AHNAK2: variants seen among roughly 807,000 people sequenced by gnomAD.
AHNAK2 encodes protein AHNAK2.
Under a neutral mutation model 30.7 loss-of-function variants are expected in AHNAK2, and 18 were observed. That is an observed-to-expected ratio of 0.59 (90% CI 0.41 to 0.87). The LOEUF is 0.87. Among genes scored for constraint, AHNAK2 ranks in the 40% least tolerant of loss-of-function variants. The pLI is 0.00. For synonymous variants in AHNAK2, 3,590 were observed against 3,073.8 expected (o/e 1.17, Z -5.56); for missense variants, 8,604 against 7,373.0 (o/e 1.17, Z -6.11).
In AHNAK2 at chr14:104,941,771, G is replaced by A. The variant is rs1342663866; in HGVS notation, c.13680C>T (p.Asp4560=). Residue 4560 remains aspartate (D), a synonymous_variant, in exon 7 of 7, where the codon GAC becomes GAT. Transcript: ENST00000333244. ...TGACGTCCACCTGGGGGCCCTTGAG[G>A]TCCACTTTGGGCATCTTGAAACTGG... ...EMPSFKMPKV[D]LKGPQVDVKG... The A allele has an allele frequency of 6.8e-6, 11 of 1,613,730 alleles. No homozygotes were observed. The highest frequency in any genetic ancestry group is 8.5e-6 in the Non-Finnish European group (10 of 1,179,846).
Position 104,939,244 on chromosome 14 carries a change from C to A in AHNAK2, c.16207G>T (p.Asp5403Tyr), listed in dbSNP as rs1451965828. 2 of 1,613,882 alleles carry A rather than the reference C, an allele frequency of 1.2e-6. No individual in the cohort carries two copies. The highest frequency in any genetic ancestry group is 3.3e-5 in the Admixed American group (2 of 60,012). ...RFSFPAPSSE[D>Y]DVFIPTVREV... ...CTCACAGTGGGGATGAACACATCAT[C>A]CTCTGAGCTGGGGGCAGGGAAGGAG... Residue 5403 changes from aspartate to tyrosine, a missense_variant, in exon 7 of 7, where the codon GAT becomes TAT. Asp to Tyr is a radical substitution (Grantham distance 160). Coordinates refer to ENST00000333244, the MANE Select transcript of AHNAK2 (RefSeq NM_138420.4).
rs774545861 is a variant in AHNAK2 at position 104,940,685 on chromosome 14, T to G, written c.14766A>C (p.Pro4922=). 2 of 1,613,282 alleles carry G rather than the reference T, an allele frequency of 1.2e-6. No homozygotes were observed. The highest frequency in any genetic ancestry group is 2.7e-5 in the African/African-American group (2 of 75,028). ...PSPGTCVSQG[P]EELVASLQTS... ...TCTGCAAGGAGGCCACAAGCTCTTC[T>G]GGGCCCTGAGACACACAGGTGCCTG... is the stretch of plus-strand genomic sequence containing the variant. The change falls in exon 7 of 7, where the codon CCA becomes CCC. Residue 4922 remains proline (P), a synonymous_variant. Transcript: ENST00000333244. This position sits in a 1 kb window ranked among gnomAD's most constrained non-coding sequence, Gnocchi z 4.4.
In AHNAK2 at chr14:104,943,812, G is replaced by T; in HGVS notation, c.11639C>A (p.Ala3880Asp). The T allele has an allele frequency of 6.2e-7, 1 of 1,613,264 alleles. No homozygotes were observed. Among genetic ancestry groups the T allele is most frequent in the South Asian group, 1.1e-5 (1 of 91,054 alleles). Residue 3880 changes from alanine (A) to aspartate (D), a missense_variant, in exon 7 of 7, where the codon GCC becomes GAC. Physicochemically the swap from Ala to Asp is moderately radical, Grantham distance 126 (BLOSUM62 -2). Coordinates refer to ENST00000333244, the MANE Select transcript of AHNAK2 (RefSeq NM_138420.4). Reference protein sequence around the residue: ...KLLEGHVPEEAGLKGHLPKVQ... With the variant: ...KLLEGHVPEEDGLKGHLPKVQ... ...CTTGGGCAGGTGTCCTTTGAGGCCG[G>T]CTTCCTCGGGCACGTGGCCCTCCAG...
chr14:104,952,641 T>C lies in AHNAK2; in HGVS notation c.2810A>G (p.Asp937Gly), dbSNP rs1343471194. The stretch of plus-strand genomic sequence containing the variant: ...CAGGTCCAGCTTGGGGCCCTTAACA[T>C]CTATCTGGGGGCCCTTGAGGTCCAC... ...PKVDLKGPQI[D>G]VKGPKLDLKG... is the part of the protein sequence containing the mutation. Residue 937 changes from aspartate (D) to glycine (G), a missense_variant, in exon 7 of 7, where the codon GAT becomes GGT. Transcript: ENST00000333244. The C allele has an allele frequency of 6.2e-7, 1 of 1,611,364 alleles. No homozygotes were observed. Among genetic ancestry groups the C allele is most frequent in the African/African-American group, 1.4e-5 (1 of 73,958 alleles).
Position 104,939,016 on chromosome 14 carries a change from T to C in AHNAK2, c.16435A>G (p.Ile5479Val). The change falls in exon 7 of 7, where the codon ATA becomes GTA. Residue 5479 changes from isoleucine to valine, a missense_variant. Physicochemically the swap from Ile to Val is conservative, Grantham distance 29 (BLOSUM62 3). Transcript: ENST00000333244. ...GAQVESQEVTIHSIVTPEFVD... is the reference protein window; with the variant it reads ...GAQVESQEVTVHSIVTPEFVD... ...AACTCTGGTGTCACTATGCTGTGTA[T>C]AGTGACCTCTTGACTTTCAACCTGA... 1 of 1,610,244 alleles carries C rather than the reference T, an allele frequency of 6.2e-7. No individual in the cohort carries two copies.
rs1898283186 is a variant in AHNAK2 at position 104,946,578 on chromosome 14, G to GCA, written c.8871_8872dup (p.Ala2958ValfsTer15). ...CAGGGACAGGTCACCCTCCAGCCGT[G>GCA]CACCATCCAGCTTTGCTCTCGGGGC... On this transcript the variant is annotated frameshift_variant, in exon 7 of 7. Coordinates refer to ENST00000333244, the MANE Select transcript of AHNAK2 (RefSeq NM_138420.4). LOFTEE classifies it low-confidence loss of function (END_TRUNC). 5.6e-6 allele frequency: 9 copies of GCA among 1,612,820 alleles called. No homozygotes were observed. The highest frequency in any genetic ancestry group is 1.7e-5 in the Admixed American group (1 of 59,932).
rs767446530 is a variant in AHNAK2 at position 104,940,920 on chromosome 14, C to T, written c.14531G>A (p.Ser4844Asn). Reference protein sequence around the residue: ...PEGVPTSQAESHSGPLNSMIP... With the variant: ...PEGVPTSQAENHSGPLNSMIP... ...CATGGAATTCAGTGGGCCAGAGTGA[C>T]TCTCAGCTTGAGATGTTGGAACTCC... Residue 4844 changes from serine to asparagine, a missense_variant, in exon 7 of 7, where the codon AGT (serine) becomes AAT (asparagine). Ser to Asn is a conservative substitution (Grantham distance 46). Transcript: ENST00000333244. This position sits in a 1 kb window ranked among gnomAD's most constrained non-coding sequence, Gnocchi z 4.4. 1 of 1,612,674 alleles carries T rather than the reference C, an allele frequency of 6.2e-7. No homozygotes were observed. Among genetic ancestry groups the T allele is most frequent in the South Asian group, 1.1e-5 (1 of 90,974 alleles).
rs142241633 is a variant in AHNAK2, at chr14:104,952,184, G to C, written c.3267C>G (p.Phe1089Leu). Reference protein sequence around the residue: ...GHLPKVEMPSFKMPKVALKGP... With the variant: ...GHLPKVEMPSLKMPKVALKGP... ...CCTTGAGGGCCACTTTGGGCATCTTGAAACTGGGCATCTCCACCTTGGGCA... is the reference window on the plus strand; with the variant it reads ...CCTTGAGGGCCACTTTGGGCATCTTCAAACTGGGCATCTCCACCTTGGGCA... The change falls in exon 7 of 7, where the codon TTC becomes TTG. Residue 1089 changes from phenylalanine to leucine, a missense_variant. Coordinates refer to ENST00000333244, the MANE Select transcript of AHNAK2 (RefSeq NM_138420.4). 12,528 of 1,578,434 alleles carry C rather than the reference G, an allele frequency of 7.9e-3. 11 individuals are homozygous for C. In the East Asian group the frequency reaches 0.13, roughly 16 times the overall value.
chr14:104,941,358 T>C lies in AHNAK2; in HGVS notation c.14093A>G (p.Lys4698Arg). 1 of 1,613,468 alleles carries C rather than the reference T, an allele frequency of 6.2e-7. No homozygotes were observed. The highest frequency in any genetic ancestry group is 8.5e-7 in the Non-Finnish European group (1 of 1,179,888). The change falls in exon 7 of 7, where the codon AAG becomes AGG. Residue 4698 changes from lysine to arginine, a missense_variant. Transcript: ENST00000333244. ...LAVGEVGMDS[K>R]FKKLHFKVPK... ...CACTTTAAAATGCAGTTTCTTAAAC[T>C]TCGAATCCATTCCAACTTCTCCAAC...
chr14:104,971,678 T>G (rs1460195872), intron 1 of AHNAK2, among the ~76,000 whole-genome samples: 1 of 152,216 alleles, frequency 6.6e-6, no homozygotes, highest in African/African-American at 2.4e-5. Flanking sequence ...GCCCACCTCC[T>G]GGTCACCTCA....
chr14:104,961,021 C>T (rs778303945), intron 1 of AHNAK2, among the ~76,000 whole-genome samples: 4 of 151,834 alleles, frequency 2.6e-5, no homozygotes, highest in Non-Finnish European at 5.9e-5. Flanking sequence ...ATCCCAGCTA[C>T]TCAAGAAGCA....
At chr14:104,965,521 C>T (rs1277960299) in intron 1 of AHNAK2, among the ~76,000 whole-genome samples, 2 of 152,012 alleles carry the variant, frequency 1.3e-5, no homozygotes, top group Non-Finnish European at 2.9e-5. Context: ...CTAAATATTC[C>T]AAGAAGAAAC....
Position 104,944,459 on chromosome 14 carries a change from A to T in AHNAK2, c.10992T>A (p.Ser3664=). The T allele has an allele frequency of 6.2e-7, 1 of 1,612,880 alleles. No homozygotes were observed. Among genetic ancestry groups the T allele is most frequent in the Non-Finnish European group, 8.5e-7 (1 of 1,179,514 alleles). ...GKSMEASVDV[S]APKVEADVSL... Reference sequence around the variant, plus strand: ...TCACATCGGCTTCCACCTTGGGTGCAGACACATCCACCGAGGCCTCCATGG... The same window carrying T: ...TCACATCGGCTTCCACCTTGGGTGCTGACACATCCACCGAGGCCTCCATGG... Residue 3664 remains serine (S), a synonymous_variant, in exon 7 of 7, where the codon TCT becomes TCA. Coordinates refer to ENST00000333244, the MANE Select transcript of AHNAK2 (RefSeq NM_138420.4).
rs140208061 is a variant in AHNAK2 at position 104,952,357 on chromosome 14, G to C, written c.3094C>G (p.Leu1032Val). ...TCCCCCTGCATGGAGGGGAGACTCAGGTCGGCCTCCACCTTGGGTGCAGAC... is the reference window on the plus strand; with the variant it reads ...TCCCCCTGCATGGAGGGGAGACTCACGTCGGCCTCCACCTTGGGTGCAGAC... ...DVSAPKVEAD[L>V]SLPSMQGDLK... The change falls in exon 7 of 7, where the codon CTG becomes GTG. Residue 1032 changes from leucine (L) to valine (V), a missense_variant. Physicochemically the swap from Leu to Val is conservative, Grantham distance 32. Coordinates refer to ENST00000333244, the MANE Select transcript of AHNAK2 (RefSeq NM_138420.4). The C allele has an allele frequency of 5.8e-4, 918 of 1,595,034 alleles. 2 individuals are homozygous for C. Among genetic ancestry groups the C allele is most frequent in the Admixed American group, 1.6e-3 (95 of 58,586 alleles).
At position 104,954,286 on chromosome 14, in the gene AHNAK2, G is replaced by T. The variant is rs1396535217; in HGVS notation, c.1165C>A (p.Pro389Thr). 3 of 1,613,420 alleles carry T rather than the reference G, an allele frequency of 1.9e-6. No homozygotes were observed. The highest frequency in any genetic ancestry group is 1.7e-6 in the Non-Finnish European group (2 of 1,179,874). Residue 389 changes from proline (P) to threonine (T), a missense_variant, in exon 7 of 7, where the codon CCT becomes ACT. Coordinates refer to ENST00000333244, the MANE Select transcript of AHNAK2 (RefSeq NM_138420.4). The surrounding 1 kb of genome is among the most constrained non-coding windows in gnomAD (Gnocchi z 4.3). Reference sequence around the variant, plus strand: ...GTGGGCAATGGCATGCTCTGAGCAGGCATCACTTCTCGATCCTGTTCTGCC... The same window carrying T: ...GTGGGCAATGGCATGCTCTGAGCAGTCATCACTTCTCGATCCTGTTCTGCC... ...ERAEQDREVM[P>T]AQSMPLPTEL...
In AHNAK2 at chr14:104,948,372, TC is replaced by T; in HGVS notation, c.7078del (p.Asp2360ThrfsTer25). 6.2e-7 allele frequency: 1 copy of T among 1,611,980 alleles called. No individual in the cohort carries two copies. The highest frequency in any genetic ancestry group is 8.5e-7 in the Non-Finnish European group (1 of 1,179,336). On this transcript the variant is annotated frameshift_variant, in exon 7 of 7. Coordinates refer to ENST00000333244, the MANE Select transcript of AHNAK2 (RefSeq NM_138420.4). LOFTEE classifies it low-confidence loss of function (END_TRUNC). ...ADVSLPSMQG[D>X]LKTTDLSVQP... ...AACGCTGAGGTCAGTGGTCTTGAGG[TC>T]CCCCTGCATGGAGGGGAGGCTCACG...
In AHNAK2 at chr14:104,945,487, C is replaced by A. The variant is rs758937478; in HGVS notation, c.9964G>T (p.Ala3322Ser). Reference sequence around the variant, plus strand: ...GAGGCCTGGATGGACTTGCCTGGGGCAGACGCCCTGTACGACGGCATCTTG... The same window carrying A: ...GAGGCCTGGATGGACTTGCCTGGGGAAGACGCCCTGTACGACGGCATCTTG... Reference protein sequence around the residue: ...KFKMPSYRASAPGKSIQASVD... With the variant: ...KFKMPSYRASSPGKSIQASVD... Residue 3322 changes from alanine (A) to serine (S), a missense_variant, in exon 7 of 7, where the codon GCC becomes TCC. By Grantham distance (99) the Ala-to-Ser change is moderately conservative. Coordinates refer to ENST00000333244, the MANE Select transcript of AHNAK2 (RefSeq NM_138420.4). The A allele has an allele frequency of 6.2e-7, 1 of 1,613,366 alleles. No individual in the cohort carries two copies. Among genetic ancestry groups the A allele is most frequent in the African/African-American group, 1.3e-5 (1 of 74,858 alleles).
rs1897926268 is a variant in AHNAK2 at position 104,939,873 on chromosome 14, G to A, written c.15578C>T (p.Pro5193Leu). 1 of 1,613,588 alleles carries A rather than the reference G, an allele frequency of 6.2e-7. No individual in the cohort carries two copies. The highest frequency in any genetic ancestry group is 8.5e-7 in the Non-Finnish European group (1 of 1,179,814). Residue 5193 changes from proline to leucine, a missense_variant, in exon 7 of 7, where the codon CCC becomes CTC. Pro to Leu is a moderately conservative substitution (Grantham distance 98). Transcript: ENST00000333244. ...KYSQESWFKM[P>L]KFRMPSLRRS... ...CCTAAGGCTGGGCATGCGGAACTTG[G>A]GCATTTTAAACCAGCTTTCCTGCGA...
At position 104,943,439 on chromosome 14, in the gene AHNAK2, G is replaced by C. The variant is rs773853259; in HGVS notation, c.12012C>G (p.Leu4004=). 2 of 1,613,222 alleles carry C rather than the reference G, an allele frequency of 1.2e-6. No homozygotes were observed. The highest frequency in any genetic ancestry group is 1.3e-5 in the African/African-American group (1 of 74,764). Residue 4004 remains leucine (L), a synonymous_variant, in exon 7 of 7, where the codon CTC becomes CTG. Coordinates refer to ENST00000333244, the MANE Select transcript of AHNAK2 (RefSeq NM_138420.4). ...TAPKVEADVS[L]PSMQGDLKAT... ...CCTTGAGGTCCCCCTGCATGGAAGG[G>C]AGGCTCACGTCGGCCTCCACCTTTG...
Sources: allele counts gnomAD v4.1 joint callset (sites outside exome capture counted in the v4.1 genomes callset), GRCh38; gene constraint gnomAD v4.1.1; non-coding constraint Gnocchi (gnomAD v3.1); transcripts MANE v1.5; gene names NCBI Gene and HGNC (gene_info 2026-07-23, HGNC 2026-07-21).